Variants in ZDHHC21 observed in about 807,000 individuals in gnomAD.
ZDHHC21 encodes the protein zDHHC palmitoyltransferase 21, also known as palmitoyltransferase ZDHHC21.
ZDHHC21 carries 15 observed loss-of-function variants against 34.6 expected under a neutral mutation model. That is an observed-to-expected ratio of 0.43 (90% confidence interval 0.29 to 0.67). The LOEUF is 0.67. ZDHHC21 is among the 30% of genes least tolerant of loss of function. The pLI, the probability that ZDHHC21 is intolerant of heterozygous loss-of-function variation, is 0.14. For missense variants in ZDHHC21, 344 were observed against 327.7 expected (o/e 1.05, Z -0.38); for synonymous variants, 142 against 101.8 (o/e 1.40, Z -2.38).
intron 5 of ZDHHC21, among the ~76,000 whole-genome samples, chr9:14,671,854 A>G (rs1048666852): frequency 6.6e-6 from 1 of 152,152 alleles, no homozygotes; most frequent in Admixed American, 6.6e-5. Context: ...AACTTGAATA[A>G]AATTTCATAA....
chr9:14,602,928 CAAAAAAAAAAA>C, the ZDHHC21 span, among the ~76,000 whole-genome samples: 168 of 88,030 alleles, frequency 1.9e-3, 5 homozygotes, highest in East Asian at 4.0e-3. Flanking sequence ...GACTTCATCT[CAAAAAAAAAAA>C]AAAAAAAAAA....
intron 7 of ZDHHC21, among the ~76,000 whole-genome samples, chr9:14,643,876 G>A (rs10125040): frequency 0.94 from 143,492 of 152,266 alleles, 67,656 homozygotes; most frequent in Non-Finnish European, 0.96. Context: ...TCCCTGCAAC[G>A]GTGACAAATG....
chr9:14,691,453 G>A (rs1839136378), intron 1 of ZDHHC21, among the ~76,000 whole-genome samples: 1 of 152,154 alleles, frequency 6.6e-6, no homozygotes, highest in Admixed American at 6.5e-5. Flanking sequence ...TTTTTCCACA[G>A]GTTCTGAATC....
At chr9:14,663,630 A>G (rs1833810138) in intron 5 of ZDHHC21, among the ~76,000 whole-genome samples, 1 of 150,936 alleles carries the variant, frequency 6.6e-6, no homozygotes, top group Non-Finnish European at 1.5e-5. Flanking sequence ...CTGGACTTTT[A>G]TATAGTAAAG....
At chr9:14,631,436 C>T (rs931374016) in intron 8 of ZDHHC21, among the ~76,000 whole-genome samples, 47 of 152,258 alleles carry the variant, frequency 3.1e-4, no homozygotes, top group African/African-American at 1.1e-3. Flanking sequence ...CTATCCAGAC[C>T]ACCAAAAATT....
At chr9:14,600,801 A>ATTT in the ZDHHC21 span, among the ~76,000 whole-genome samples, 1 of 152,208 alleles carries the variant, frequency 6.6e-6, no homozygotes. Context: ...ATGAAAACAG[A>ATTT]TATATAGACC....
chr9:14,619,303 C>T (rs111467933), intron 9 of ZDHHC21, among the ~76,000 whole-genome samples: 2 of 152,136 alleles, frequency 1.3e-5, no homozygotes, highest in African/African-American at 4.8e-5. Flanking sequence ...GTCAATCAAC[C>T]GAGCGCAACT....
rs763740280 is a variant in ZDHHC21 at position 14,672,941 on chromosome 9, T to C, written c.155-13A>G. The C allele has an allele frequency of 4.2e-6, 6 of 1,434,048 alleles. No homozygotes were observed. The highest frequency in any genetic ancestry group is 1.4e-5 in the African/African-American group (1 of 70,264). 88.8% of individuals were successfully genotyped at this position (1,434,048 alleles called of 1,614,324 possible). ...ATGCCATAGAATACTTTAAAATAAA[T>C]AAATTAAATAAATTAGTCACTTACC... On this transcript the variant is annotated splice_polypyrimidine_tract_variant and intron_variant, in intron 4 of 9. Transcript: ENST00000380916.
rs1319554029 is a variant in ZDHHC21, at chr9:14,611,822, T to C, written c.*7144A>G. On this transcript the variant is annotated 3_prime_UTR_variant, in exon 10 of 10. Coordinates refer to ENST00000380916, the MANE Select transcript of ZDHHC21 (RefSeq NM_178566.6). ...CCGTGTTAGACTCACAATTCACTTGTCGGAATATCTCTGATTCTGGTGGAA... is the reference window on the plus strand; with the variant it reads ...CCGTGTTAGACTCACAATTCACTTGCCGGAATATCTCTGATTCTGGTGGAA... 1 of 152,082 alleles carries C rather than the reference T, an allele frequency of 6.6e-6. No individual in the cohort carries two copies. Among genetic ancestry groups the C allele is most frequent in the African/African-American group, 2.4e-5 (1 of 41,444 alleles). 9.4% of individuals were successfully genotyped at this position (152,082 alleles called of 1,614,324 possible).
intron 1 of ZDHHC21, 138 bp from the exon 2 acceptor site, chr9:14,690,523 G>T (rs1338653103): frequency 2.7e-6 from 1 of 369,704 alleles, no homozygotes; most frequent in Non-Finnish European, 5.2e-6. Context: ...TTGTAGAAGG[G>T]GCAACACATC....
rs532252197 is a variant in ZDHHC21, at chr9:14,690,951, G to T, written c.-224-566C>A. ...TGAAAAGTTGAATCTGAGCCCTAAT[G>T]TTTTACTAAAACAACATAAAAGGTT... is the stretch of plus-strand genomic sequence containing the variant. On this transcript the variant is annotated intron_variant, in intron 1 of 9. Coordinates refer to ENST00000380916, the MANE Select transcript of ZDHHC21 (RefSeq NM_178566.6). Among the ~76,000 whole-genome samples, 129 of 152,174 alleles carry T rather than the reference G, an allele frequency of 8.5e-4. 1 individual carries two copies. Among genetic ancestry groups the T allele is most frequent in the African/African-American group, 3.0e-3 (125 of 41,518 alleles).
rs531434456 is a variant in ZDHHC21, at chr9:14,655,077, T to C, written c.504+3672A>G. Among the ~76,000 whole-genome samples, 30 of 151,892 alleles carry C rather than the reference T, an allele frequency of 2.0e-4. 1 individual carries two copies. Among genetic ancestry groups the C allele is most frequent in the African/African-American group, 4.3e-4 (18 of 41,454 alleles). ...AGCACATCATAGAATCACAGAATAATTGCTAAAATACAAAGACCAAAAGAA... is the reference window on the plus strand; with the variant it reads ...AGCACATCATAGAATCACAGAATAACTGCTAAAATACAAAGACCAAAAGAA... On this transcript the variant is annotated intron_variant, in intron 7 of 9. Coordinates refer to ENST00000380916, the MANE Select transcript of ZDHHC21 (RefSeq NM_178566.6).
chr9:14,630,966 A>T (rs994244521), intron 8 of ZDHHC21, among the ~76,000 whole-genome samples: 1 of 152,236 alleles, frequency 6.6e-6, no homozygotes, highest in Non-Finnish European at 1.5e-5. Flanking sequence ...TTAAGAGCCT[A>T]GGATTTTTGG....
At chr9:14,591,821 A>G in the ZDHHC21 span, among the ~76,000 whole-genome samples, 2 of 152,198 alleles carry the variant, frequency 1.3e-5, no homozygotes, top group Admixed American at 1.3e-4. Flanking sequence ...TCTTCTATCT[A>G]GTAATATTTC....
chr9:14,594,613 G>A, the ZDHHC21 span, among the ~76,000 whole-genome samples: 16 of 152,208 alleles, frequency 1.1e-4, no homozygotes, highest in South Asian at 2.9e-3. Flanking sequence ...GAAACTTCTA[G>A]ATAAAAACCT....
At chr9:14,619,883 C>CAA (rs5896639) in intron 8 of ZDHHC21, among the ~76,000 whole-genome samples, 61,430 of 150,054 alleles carry the variant, frequency 0.41, 12,654 homozygotes, top group Non-Finnish European at 0.45. Context: ...TTATACTATG[C>CAA]AAAAAAAAAC....
At chr9:14,598,770 A>G in the ZDHHC21 span, among the ~76,000 whole-genome samples, 9 of 152,272 alleles carry the variant, frequency 5.9e-5, no homozygotes, top group Middle Eastern at 3.4e-3. Flanking sequence ...TTTATTTTTA[A>G]GACAGGGTCT....
chr9:14,684,497 G>T (rs1253065785), intron 2 of ZDHHC21, among the ~76,000 whole-genome samples: 1 of 147,546 alleles, frequency 6.8e-6, no homozygotes, highest in Non-Finnish European at 1.5e-5. Flanking sequence ...ACTTACAAGG[G>T]ATGTGAAGGA....
At chr9:14,638,090 T>C (rs1246686642) in intron 8 of ZDHHC21, among the ~76,000 whole-genome samples, 1 of 151,818 alleles carries the variant, frequency 6.6e-6, no homozygotes, top group African/African-American at 2.4e-5. Context: ...AAAAGGACAA[T>C]GCTGGAGGCA....
Sources: allele counts gnomAD v4.1 joint callset (sites outside exome capture counted in the v4.1 genomes callset), GRCh38; gene constraint gnomAD v4.1.1; transcripts MANE v1.5; gene names NCBI Gene and HGNC (gene_info 2026-07-23, HGNC 2026-07-21).